ATRNL1: variants seen among roughly 807,000 people sequenced by gnomAD.
ATRNL1 encodes attractin like 1.
Under a neutral mutation model 182.7 loss-of-function variants are expected in ATRNL1, and 95 were observed. The observed-to-expected ratio is 0.52, with a 90% CI of 0.44 to 0.62. The LOEUF (loss-of-function observed/expected upper bound fraction) is 0.62. ATRNL1 is among the 20% of genes least tolerant of loss of function. The probability of loss-of-function intolerance (pLI) is 0.00; values close to 1 mark genes in which losing one functional copy is unlikely to be tolerated. For missense variants in ATRNL1, 1,471 were observed against 1,679.5 expected, an observed-to-expected ratio of 0.88 and a Z score of 2.17; for synonymous variants, 576 against 568.3, an observed-to-expected ratio of 1.01 and a Z score of -0.19.
At chr10:115,493,589 T>C (rs1554977274) in intron 24 of ATRNL1, among the ~76,000 whole-genome samples, 10 of 152,236 alleles carry the variant, frequency 6.6e-5, no homozygotes. Flanking sequence ...CATGCATGTT[T>C]CTTTATGGTA....
chr10:115,700,587 C>T (rs551849721), intron 26 of ATRNL1, among the ~76,000 whole-genome samples: 1 of 152,128 alleles, frequency 6.6e-6, no homozygotes, highest in East Asian at 1.9e-4. Context: ...CTTGTAGATT[C>T]TGCATATTAG....
At chr10:115,280,476 G>A (rs782728096) in intron 13 of ATRNL1, among the ~76,000 whole-genome samples, 1 of 152,180 alleles carries the variant, frequency 6.6e-6, no homozygotes. Flanking sequence ...AAGCTTTCAT[G>A]TCTAGGATGT....
intron 27 of ATRNL1, among the ~76,000 whole-genome samples, chr10:115,827,364 G>C (rs1335958212): frequency 6.6e-5 from 10 of 152,204 alleles, no homozygotes; most frequent in African/African-American, 2.4e-4. Context: ...GGATTTCACA[G>C]TTTAAAATAT....
chr10:115,704,219 G>A (rs1209268166), intron 26 of ATRNL1, among the ~76,000 whole-genome samples: 1 of 151,820 alleles, frequency 6.6e-6, no homozygotes, highest in African/African-American at 2.4e-5. Context: ...CCTAGCTTCT[G>A]GTGGGTTGCT....
chr10:115,727,638 A>G (rs1947640944), intron 27 of ATRNL1, among the ~76,000 whole-genome samples: 1 of 152,204 alleles, frequency 6.6e-6, no homozygotes, highest in African/African-American at 2.4e-5. Flanking sequence ...AGATATAGGT[A>G]TGATCGAAGA....
At chr10:115,455,335 G>A (rs548515872) in intron 21 of ATRNL1, among the ~76,000 whole-genome samples, 6 of 151,962 alleles carry the variant, frequency 3.9e-5, no homozygotes, top group South Asian at 2.1e-4. Flanking sequence ...AATACCACAC[G>A]TCTACAACCA....
intron 5 of ATRNL1, among the ~76,000 whole-genome samples, chr10:115,146,906 G>A (rs1237528858): frequency 6.6e-6 from 1 of 150,430 alleles, no homozygotes; most frequent in Non-Finnish European, 1.5e-5. Context: ...CCGTATCTTT[G>A]CTACTGTAAA....
chr10:115,346,362 T>G (rs150802311), intron 19 of ATRNL1, among the ~76,000 whole-genome samples: 1 of 152,300 alleles, frequency 6.6e-6, no homozygotes, highest in African/African-American at 2.4e-5. Context: ...ATCATGCAGT[T>G]TTTGTCCTTT....
intron 8 of ATRNL1, among the ~76,000 whole-genome samples, chr10:115,202,715 C>T (rs1410717605): frequency 7.0e-6 from 1 of 143,474 alleles, no homozygotes; most frequent in African/African-American, 2.6e-5. Flanking sequence ...TGTCTCTGCC[C>T]GGCTTTGGTA....
At chr10:115,719,101 TGAAA>T (rs1357518285) in intron 26 of ATRNL1, among the ~76,000 whole-genome samples, 1 of 152,288 alleles carries the variant, frequency 6.6e-6, no homozygotes, top group East Asian at 1.9e-4. Context: ...TTAAAAACGA[TGAAA>T]GAAAAAAACA....
chr10:115,297,542 G>A (rs1255087800), intron 15 of ATRNL1, among the ~76,000 whole-genome samples: 1 of 151,744 alleles, frequency 6.6e-6, no homozygotes. Context: ...CTACTCAGGA[G>A]GCCGAGGCAG....
At position 115,314,052 on chromosome 10, in the gene ATRNL1, T is replaced by A. The variant is rs563479928; in HGVS notation, c.2819-1466T>A. 4.6e-5 allele frequency among the ~76,000 whole-genome samples: 7 copies of A among 152,332 alleles called. No individual in the cohort carries two copies. The East Asian group carries it at 9.6e-4, about 21-fold the overall frequency. ...AAATGTTCAGTTATCTAAGGATTTT[T>A]AAAACTGTGTCATTTAGCGCTGTGT... On this transcript the variant is annotated intron_variant, in intron 17 of 28. Coordinates refer to ENST00000355044, the MANE Select transcript of ATRNL1 (RefSeq NM_207303.4).
At position 115,773,496 on chromosome 10, in the gene ATRNL1, T is replaced by C. The variant is rs560453393; in HGVS notation, c.3903+46141T>C. Among the ~76,000 whole-genome samples, 243 of 152,316 alleles carry C rather than the reference T, an allele frequency of 1.6e-3. 11 individuals are homozygous for C. The South Asian group carries it at 0.049, about 31-fold the overall frequency. ...TGCTTAATATTTATTTTATTCTGTC[T>C]CACTAGTAATATATAAGATATAGCC... On this transcript the variant is annotated intron_variant, in intron 27 of 28. Coordinates refer to ENST00000355044, the MANE Select transcript of ATRNL1 (RefSeq NM_207303.4).
chr10:115,129,632 C>T (rs1845135596), intron 5 of ATRNL1, 97 bp downstream of exon 5: 3 of 879,782 alleles, frequency 3.4e-6, no homozygotes, highest in African/African-American at 1.7e-5. Flanking sequence ...AGTTTGCACA[C>T]CCAAGCCTTA....
At chr10:115,687,348 T>C (rs1946250923) in intron 26 of ATRNL1, among the ~76,000 whole-genome samples, 1 of 152,202 alleles carries the variant, frequency 6.6e-6, no homozygotes, top group South Asian at 2.1e-4. Flanking sequence ...ATTTATCATA[T>C]AAGTGGTGCC....
At chr10:115,289,289 T>C (rs1852780206) in intron 15 of ATRNL1, among the ~76,000 whole-genome samples, 1 of 152,206 alleles carries the variant, frequency 6.6e-6, no homozygotes, top group South Asian at 2.1e-4. Context: ...CAAGATGAGA[T>C]ATGGATGGGA....
At chr10:115,914,137 T>G (rs1952772055) in intron 28 of ATRNL1, among the ~76,000 whole-genome samples, 1 of 152,196 alleles carries the variant, frequency 6.6e-6, no homozygotes, top group Non-Finnish European at 1.5e-5. Context: ...TTCTCTCTCC[T>G]GCCACCATGT....
At chr10:115,731,360 A>T (rs1359228724) in intron 27 of ATRNL1, among the ~76,000 whole-genome samples, 1 of 152,106 alleles carries the variant, frequency 6.6e-6, no homozygotes, top group Non-Finnish European at 1.5e-5. Context: ...CTGATTTGCT[A>T]TTTTGTTGTC....
At chr10:115,170,913 CAAT>C (rs1436758062) in intron 7 of ATRNL1, 121 bp from the exon 8 acceptor site, 24 of 488,764 alleles carry the variant, frequency 4.9e-5, no homozygotes, top group Non-Finnish European at 6.9e-5. Context: ...CAAATGAGAA[CAAT>C]GCCTTATGCA....
Sources: gnomAD v4.1 joint callset for allele counts (sites outside exome capture counted in the v4.1 genomes callset) on GRCh38, gnomAD v4.1.1 for gene constraint, MANE v1.5 for transcripts, NCBI Gene and HGNC (gene_info 2026-07-23, HGNC 2026-07-21) for gene names.